Variants in VPS13B observed in about 807,000 individuals in gnomAD.
VPS13B encodes the protein vacuolar protein sorting 13 homolog B.
VPS13B carries 285 observed loss-of-function variants against 426.4 expected under a neutral mutation model. The ratio of observed to expected loss-of-function variants is 0.67; its 90% CI spans 0.61 to 0.74. VPS13B has a LOEUF of 0.74. VPS13B is among the 30% of genes least tolerant of loss of function. The pLI, the probability that VPS13B is intolerant of heterozygous loss-of-function variation, is 0.00. For missense variants in VPS13B, 4,537 were observed against 4,782.6 expected (o/e 0.95, Z 1.51); for synonymous variants, 1,676 against 1,676.4 (o/e 1.00, Z 0.01).
At chr8:99,118,255 T>C (rs1847769332) in intron 7 of VPS13B, among the ~76,000 whole-genome samples, 1 of 152,204 alleles carries the variant, frequency 6.6e-6, no homozygotes, top group Non-Finnish European at 1.5e-5. Context: ...CATCACATAT[T>C]GGTTCATCTA....
chr8:99,441,448 C>T (rs1226488437), intron 22 of VPS13B, among the ~76,000 whole-genome samples: 1 of 151,994 alleles, frequency 6.6e-6, no homozygotes, highest in African/African-American at 2.4e-5. Flanking sequence ...TGTATCACAC[C>T]TCCAGATAAC....
intron 33 of VPS13B, among the ~76,000 whole-genome samples, chr8:99,632,435 A>G (rs999301318): frequency 2.6e-5 from 4 of 151,960 alleles, no homozygotes; most frequent in African/African-American, 9.7e-5. Flanking sequence ...GCTTTCTTAG[A>G]ACAGCAAGAA....
intron 19 of VPS13B, among the ~76,000 whole-genome samples, chr8:99,372,095 C>CA (rs1216075539): frequency 6.6e-6 from 1 of 151,454 alleles, no homozygotes; most frequent in Non-Finnish European, 1.5e-5. Context: ...ACTAAAAATA[C>CA]AAAAAATTAG....
intron 16 of VPS13B, among the ~76,000 whole-genome samples, chr8:99,175,863 A>G (rs565216275): frequency 2.0e-5 from 3 of 152,362 alleles, no homozygotes; most frequent in Non-Finnish European, 4.4e-5. Context: ...AAACAAACAT[A>G]AAGATGCAGT....
chr8:99,389,997 A>G (rs990052392), intron 20 of VPS13B, among the ~76,000 whole-genome samples: 8 of 152,294 alleles, frequency 5.3e-5, no homozygotes, highest in Non-Finnish European at 8.8e-5. Context: ...ATGGTTTCCA[A>G]TTTAGATTTG....
chr8:99,502,149 T>C (rs756378243), intron 26 of VPS13B, among the ~76,000 whole-genome samples: 23 of 152,034 alleles, frequency 1.5e-4, no homozygotes, highest in Non-Finnish European at 8.8e-5. Flanking sequence ...GACACCCAGC[T>C]AATTTTGTAT....
At chr8:99,304,959 A>G (rs560647753) in intron 19 of VPS13B, among the ~76,000 whole-genome samples, 1 of 152,180 alleles carries the variant, frequency 6.6e-6, no homozygotes, top group Admixed American at 6.5e-5. Flanking sequence ...TCATGTGCAT[A>G]TCATCCTCCC....
In VPS13B at chr8:99,507,404, A is replaced by G. The variant is rs558738069; in HGVS notation, c.4224+201A>G. 5.9e-5 allele frequency among the ~76,000 whole-genome samples: 9 copies of G among 152,332 alleles called. No individual in the cohort carries two copies. The East Asian group carries it at 1.7e-3, about 29-fold the overall frequency. ...TGTTTTGTAACCATCTTCCTGTTAT[A>G]ACAATTAAGTAAATTTATCAAAGAG... On this transcript the variant is annotated intron_variant, in intron 28 of 61. Coordinates refer to ENST00000357162, the MANE Select transcript of VPS13B (RefSeq NM_152564.5).
In VPS13B at chr8:99,284,734, G is replaced by GTGTTTGTA. The variant is rs1819344357; in HGVS notation, c.2824+9485_2824+9486insGTATGTTT. Among the ~76,000 whole-genome samples the GTGTTTGTA allele has an allele frequency of 2.0e-5, 3 of 150,962 alleles. No individual in the cohort carries two copies. In the South Asian group the frequency reaches 6.3e-4, roughly 32 times the overall value. On this transcript the variant is annotated intron_variant, in intron 19 of 61. Coordinates refer to ENST00000357162, the MANE Select transcript of VPS13B (RefSeq NM_152564.5). ...CCTGGCTAAATTTGTGTGTGTGTGT[G>GTGTTTGTA]TGTTTTTGTAGAGACAGAGTCCCAC...
chr8:99,293,759 C>T (rs1225585203), intron 19 of VPS13B, among the ~76,000 whole-genome samples: 1 of 152,156 alleles, frequency 6.6e-6, no homozygotes, highest in Admixed American at 6.5e-5. Context: ...CAAAAGAAGA[C>T]ATTTATGCAG....
rs764719932 is a variant in VPS13B at position 99,504,795 on chromosome 8, A to G, written c.4157+1845A>G. ...TTCACCAGCTGCATTCACCTTTAAC[A>G]AGAGAGTCAGCCTGTCCTTTGAAGC... On this transcript the variant is annotated intron_variant, in intron 27 of 61. Coordinates refer to ENST00000357162, the MANE Select transcript of VPS13B (RefSeq NM_152564.5). 6.6e-5 allele frequency among the ~76,000 whole-genome samples: 10 copies of G among 152,154 alleles called. 1 individual carries two copies. The highest frequency in any genetic ancestry group is 1.2e-4 in the Non-Finnish European group (8 of 68,022).
chr8:99,726,662 C>G (rs190412231), intron 39 of VPS13B, among the ~76,000 whole-genome samples: 2 of 152,194 alleles, frequency 1.3e-5, no homozygotes, highest in Admixed American at 1.3e-4. Context: ...GGAACAGGAA[C>G]AAATTCTTAA....
chr8:99,106,213 C>T (rs1847035228), intron 5 of VPS13B, among the ~76,000 whole-genome samples: 1 of 151,660 alleles, frequency 6.6e-6, no homozygotes, highest in Admixed American at 6.6e-5. Context: ...GGGCGGATCC[C>T]CTGAGGTCAG....
chr8:99,234,488 C>G (rs1563617803), intron 17 of VPS13B: 3 of 550,048 alleles, frequency 5.5e-6, no homozygotes, highest in Non-Finnish European at 7.2e-6. Flanking sequence ...CGCCCCGACT[C>G]TACACGCCGG....
chr8:99,283,471 G>A (rs576330915), intron 19 of VPS13B, among the ~76,000 whole-genome samples: 99 of 152,122 alleles, frequency 6.5e-4, no homozygotes, highest in Non-Finnish European at 1.1e-3. Context: ...TAGCATTTTT[G>A]TTCACGGGAA....
chr8:99,604,977 C>T (rs759496761), intron 33 of VPS13B, among the ~76,000 whole-genome samples: 32 of 152,140 alleles, frequency 2.1e-4, no homozygotes, highest in Non-Finnish European at 4.1e-4. Context: ...GTCTTTAACT[C>T]TCAAAAACAT....
intron 19 of VPS13B, among the ~76,000 whole-genome samples, chr8:99,312,072 A>C (rs994440345): frequency 6.6e-5 from 10 of 152,132 alleles, no homozygotes; most frequent in Non-Finnish European, 1.2e-4. Context: ...GGGTCTCTGC[A>C]TGTGAGATGG....
At chr8:99,352,425 T>C (rs1337789100) in intron 19 of VPS13B, among the ~76,000 whole-genome samples, 3 of 152,172 alleles carry the variant, frequency 2.0e-5, no homozygotes, top group African/African-American at 7.2e-5. Context: ...ATGTCATAAA[T>C]AGTCCCATAG....
At chr8:99,473,439 A>C (rs1043847726) in intron 24 of VPS13B, among the ~76,000 whole-genome samples, 1 of 152,152 alleles carries the variant, frequency 6.6e-6, no homozygotes, top group Non-Finnish European at 1.5e-5. Context: ...AATAAATTCA[A>C]GTGAGACATT....
Sources: allele counts gnomAD v4.1 joint callset (sites outside exome capture counted in the v4.1 genomes callset), GRCh38; gene constraint gnomAD v4.1.1; transcripts MANE v1.5; gene names NCBI Gene and HGNC (gene_info 2026-07-23, HGNC 2026-07-21).